Variants in EIF3K observed in about 807,000 individuals in gnomAD.
EIF3K encodes eukaryotic translation initiation factor 3 subunit K, also known as eIF-3 p28.
A neutral mutation model predicts 34.2 loss-of-function variants in EIF3K; 27 were observed. The ratio of observed to expected loss-of-function variants is 0.79; its 90% confidence interval spans 0.58 to 1.09. The LOEUF (loss-of-function observed/expected upper bound fraction) is 1.09, where lower values mean the gene tolerates loss of function less well. Among genes scored for constraint, EIF3K ranks in the 50% least tolerant of loss-of-function variants. The pLI is 0.00. For missense variants in EIF3K, 232 were observed against 275.4 expected (o/e 0.84, Z 1.11); for synonymous variants, 105 against 105.7 (o/e 0.99, Z 0.04).
chr19:38,622,809 G>A lies in EIF3K; in HGVS notation c.159-1268G>A, dbSNP rs184854786. Among the ~76,000 whole-genome samples, 678 of 152,320 alleles carry A rather than the reference G, an allele frequency of 4.5e-3. 5 individuals are homozygous for A. The highest frequency in any genetic ancestry group is 0.015 in the African/African-American group (641 of 41,580). ...GGTGCGCATTCTCTTTCTCAGGGAC[G>A]TTCCATGCTGAGAAAAAGAATTCAG... On this transcript the variant is annotated intron_variant, in intron 2 of 7. Transcript: ENST00000248342.
chr19:38,636,823 T>C, intron 7 of EIF3K, 66 bp from the exon 8 acceptor site: 1 of 1,582,434 alleles, frequency 6.3e-7, no homozygotes, highest in Non-Finnish European at 8.7e-7. Context: ...GTGGGTGCTG[T>C]AGCAGGTGGC....
chr19:38,633,509 C>G (rs1394538890), intron 6 of EIF3K, among the ~76,000 whole-genome samples: 1 of 151,984 alleles, frequency 6.6e-6, no homozygotes, highest in African/African-American at 2.4e-5. Flanking sequence ...ACCAGCCTGC[C>G]CAACATGGTA....
At chr19:38,636,649 T>C (rs1779094298) in intron 7 of EIF3K, among the ~76,000 whole-genome samples, 1 of 152,198 alleles carries the variant, frequency 6.6e-6, no homozygotes. Flanking sequence ...TGCTCAGAGA[T>C]GTTCAGTAAC....
At chr19:38,632,360 T>C (rs1223738092) in intron 4 of EIF3K, 70 bp from the exon 5 acceptor site, 1 of 1,478,742 alleles carries the variant, frequency 6.8e-7, no homozygotes, top group African/African-American at 1.4e-5. Flanking sequence ...ACCCCATCTC[T>C]ATAAATAAAT....
At chr19:38,635,924 C>T (rs545623887) in intron 7 of EIF3K, among the ~76,000 whole-genome samples, 8 of 152,332 alleles carry the variant, frequency 5.3e-5, no homozygotes, top group Admixed American at 2.6e-4. Flanking sequence ...GTCTCCCCCA[C>T]CCGCTTGAGT....
intron 4 of EIF3K, among the ~76,000 whole-genome samples, chr19:38,627,394 T>G (rs1975971614): frequency 6.6e-6 from 1 of 151,442 alleles, no homozygotes. Context: ...CTGGCCACGG[T>G]GGCTCAACGC....
intron 3 of EIF3K, 111 bp from the exon 4 acceptor site, chr19:38,625,917 T>C: frequency 2.0e-6 from 2 of 1,017,796 alleles, no homozygotes; most frequent in Admixed American, 3.7e-5. Flanking sequence ...GCTGTTTTTC[T>C]GAGCTGAAGC....
At chr19:38,631,819 TC>T (rs1976073273) in intron 4 of EIF3K, among the ~76,000 whole-genome samples, 2 of 152,188 alleles carry the variant, frequency 1.3e-5, no homozygotes, top group Non-Finnish European at 2.9e-5. Context: ...AGTGTTTGTG[TC>T]CCTGGGTACT....
chr19:38,628,372 T>C (rs1162080488), intron 4 of EIF3K: 1 of 152,326 alleles, frequency 6.6e-6, no homozygotes. Context: ...ATGGCTCCCC[T>C]CCTCCCTCTG....
At chr19:38,630,037 T>G (rs1004760643) in intron 4 of EIF3K, among the ~76,000 whole-genome samples, 9 of 152,176 alleles carry the variant, frequency 5.9e-5, no homozygotes, top group Non-Finnish European at 1.3e-4. Flanking sequence ...CCAGGATTTT[T>G]GGAAAATCAT....
At chr19:38,624,039 G>A in intron 2 of EIF3K, 38 bp from the exon 3 acceptor site, 1 of 1,613,498 alleles carries the variant, frequency 6.2e-7, no homozygotes, top group Non-Finnish European at 8.5e-7. Flanking sequence ...GGGACTTGGA[G>A]GTGCCACTGT....
chr19:38,625,172 AT>A lies in EIF3K; in HGVS notation c.280-846del, dbSNP rs1054030868. Reference sequence around the variant, plus strand: ...GTTGTTGTTTTATTTTATTTATTTTATTTTTTTTTTGAGACGGAGCCTTGCT... The same window carrying A: ...GTTGTTGTTTTATTTTATTTATTTTATTTTTTTTTGAGACGGAGCCTTGCT... On this transcript the variant is annotated intron_variant, in intron 3 of 7. Coordinates refer to ENST00000248342, the MANE Select transcript of EIF3K (RefSeq NM_013234.4). 4.0e-5 allele frequency among the ~76,000 whole-genome samples: 6 copies of A among 148,248 alleles called. No individual in the cohort carries two copies. In the South Asian group the frequency reaches 1.1e-3, roughly 27 times the overall value.
chr19:38,626,282 G>A (rs1176216248), intron 4 of EIF3K, 180 bp downstream of exon 4: 10 of 644,244 alleles, frequency 1.6e-5, no homozygotes, highest in South Asian at 5.4e-5. Context: ...GGTCATCCCC[G>A]TGCCCACAGG....
chr19:38,629,822 G>C (rs116857141), intron 4 of EIF3K, among the ~76,000 whole-genome samples: 1 of 152,174 alleles, frequency 6.6e-6, no homozygotes, highest in Non-Finnish European at 1.5e-5. Flanking sequence ...GGCTGGAGCA[G>C]GGTGAGTGAG....
At chr19:38,626,001 G>A (rs1568653082) in intron 3 of EIF3K, 27 bp from the exon 4 acceptor site, 1 of 1,613,646 alleles carries the variant, frequency 6.2e-7, no homozygotes, top group Non-Finnish European at 8.5e-7. Context: ...TCCGAGGCCA[G>A]TTTTCCTTAA....
intron 1 of EIF3K, 53 bp downstream of exon 1, chr19:38,619,380 T>A (rs1599727603): frequency 1.2e-6 from 2 of 1,601,028 alleles, no homozygotes; most frequent in African/African-American, 2.7e-5. Flanking sequence ...GAGGAGAGGG[T>A]TTTCCGGAGA....
intron 2 of EIF3K, among the ~76,000 whole-genome samples, chr19:38,623,226 A>T (rs896250006): frequency 2.6e-5 from 4 of 152,256 alleles, no homozygotes; most frequent in African/African-American, 9.6e-5. Context: ...GAACTAATAA[A>T]TGTCCATAAA....
At chr19:38,633,675 A>G (rs1344539525) in intron 6 of EIF3K, among the ~76,000 whole-genome samples, 3 of 149,832 alleles carry the variant, frequency 2.0e-5, no homozygotes, top group Admixed American at 6.7e-5. Context: ...TAGTGATAAG[A>G]TCGAAACTCC....
chr19:38,627,739 G>A (rs1370555082), intron 4 of EIF3K, among the ~76,000 whole-genome samples: 2 of 151,320 alleles, frequency 1.3e-5, no homozygotes, highest in Non-Finnish European at 2.9e-5. Flanking sequence ...CTAATTCTTA[G>A]ACGCTTAGAA....
Sources: allele counts gnomAD v4.1 joint callset (sites outside exome capture counted in the v4.1 genomes callset), GRCh38; gene constraint gnomAD v4.1.1; transcripts MANE v1.5; gene names NCBI Gene and HGNC (gene_info 2026-07-23, HGNC 2026-07-21).